LRRTM4: variants seen among roughly 807,000 people sequenced by gnomAD.
The protein encoded by LRRTM4 is leucine rich repeat transmembrane neuronal 4.
A neutral mutation model predicts 47.6 loss-of-function variants in LRRTM4; 25 were observed. The observed-to-expected ratio is 0.53, with a 90% CI of 0.38 to 0.73. The LOEUF is 0.73. LRRTM4 is among the 30% of genes least tolerant of loss of function. The pLI, the probability that LRRTM4 is intolerant of heterozygous loss-of-function variation, is 0.00. For synonymous variants in LRRTM4, 311 were observed against 269.5 expected (o/e 1.15, Z -1.51); for missense variants, 638 against 713.4 (o/e 0.89, Z 1.20).
intron 3 of LRRTM4, among the ~76,000 whole-genome samples, chr2:77,413,843 TACACAC>T (rs60861644): frequency 1.1e-4 from 17 of 150,158 alleles, no homozygotes; most frequent in Middle Eastern, 3.5e-3. Context: ...TCTAGTTTTA[TACACAC>T]ACACACACAC....
At chr2:77,393,757 T>C (rs1195304146) in intron 3 of LRRTM4, among the ~76,000 whole-genome samples, 1 of 151,862 alleles carries the variant, frequency 6.6e-6, no homozygotes, top group African/African-American at 2.4e-5. Flanking sequence ...ATAGTCTAAA[T>C]AAAGGAGGTG....
At chr2:77,407,704 T>C (rs1470874297) in intron 3 of LRRTM4, among the ~76,000 whole-genome samples, 1 of 134,380 alleles carries the variant, frequency 7.4e-6, no homozygotes, top group Non-Finnish European at 1.5e-5. Context: ...ATGATATATA[T>C]AATATATCAT....
chr2:77,175,407 G>A (rs529226649), intron 3 of LRRTM4, among the ~76,000 whole-genome samples: 4 of 152,198 alleles, frequency 2.6e-5, no homozygotes, highest in African/African-American at 7.2e-5. Context: ...TAAGCCCAGG[G>A]CATAAAATCC....
chr2:76,902,185 C>G (rs1415758554), intron 3 of LRRTM4, among the ~76,000 whole-genome samples: 1 of 152,176 alleles, frequency 6.6e-6, no homozygotes, highest in Non-Finnish European at 1.5e-5. Flanking sequence ...CAGTCCATCT[C>G]CAAGTCTTTG....
intron 3 of LRRTM4, among the ~76,000 whole-genome samples, chr2:77,417,765 G>GGGT (rs1173693884): frequency 2.6e-5 from 4 of 151,456 alleles, no homozygotes; most frequent in South Asian, 4.2e-4. Flanking sequence ...GCCTGTTGTT[G>GGGT]GGGGGGAAGG....
chr2:77,295,488 A>G, intron 3 of LRRTM4, among the ~76,000 whole-genome samples: 1 of 152,304 alleles, frequency 6.6e-6, no homozygotes, highest in Non-Finnish European at 1.5e-5. Flanking sequence ...AAGATATTGG[A>G]AAATTGCTAT....
At chr2:77,385,917 T>TTATTTA (rs1673250167) in intron 3 of LRRTM4, among the ~76,000 whole-genome samples, 1 of 151,406 alleles carries the variant, frequency 6.6e-6, no homozygotes, top group African/African-American at 2.4e-5. Context: ...CTGGCTATTT[T>TTATTTA]TTTTTTATTT....
Position 77,448,544 on chromosome 2 carries a change from T to C in LRRTM4, c.1551+69774A>G, listed in dbSNP as rs77966021. On this transcript the variant is annotated intron_variant, in intron 3 of 3. Transcript: ENST00000409884. The stretch of plus-strand genomic sequence containing the variant: ...CAGTCTGCATTTCAAATTACCATCA[T>C]CTGATGTGTTATAATGGGAGAAGAA... Among the ~76,000 whole-genome samples the C allele has an allele frequency of 1.9e-3, 284 of 152,058 alleles. 1 individual carries two copies. The highest frequency in any genetic ancestry group is 2.7e-3 in the Admixed American group (41 of 15,218).
At chr2:77,276,650 G>T (rs1676364105) in intron 3 of LRRTM4, among the ~76,000 whole-genome samples, 1 of 126,134 alleles carries the variant, frequency 7.9e-6, no homozygotes, top group Admixed American at 9.0e-5. Flanking sequence ...ATCAATAGAA[G>T]ATCAGTAAAT....
intron 3 of LRRTM4, among the ~76,000 whole-genome samples, chr2:77,027,217 ATACCAGAGGAAATGC>A (rs1678485220): frequency 6.6e-6 from 1 of 152,154 alleles, no homozygotes; most frequent in Admixed American, 6.5e-5. Context: ...ATGCCTCTTC[ATACCAGAGGAAATGC>A]TATGTAAGAG....
At chr2:77,242,216 A>G (rs1675287305) in intron 3 of LRRTM4, among the ~76,000 whole-genome samples, 1 of 152,170 alleles carries the variant, frequency 6.6e-6, no homozygotes. Context: ...TTGCATATGT[A>G]GATTTCTTTG....
intron 3 of LRRTM4, among the ~76,000 whole-genome samples, chr2:77,284,885 G>A (rs946719846): frequency 6.6e-6 from 1 of 151,908 alleles, no homozygotes; most frequent in African/African-American, 2.4e-5. Context: ...CTCAGAAGCT[G>A]AAAAAAACTT....
chr2:77,088,255 G>C (rs539864010), intron 3 of LRRTM4, among the ~76,000 whole-genome samples: 1 of 152,124 alleles, frequency 6.6e-6, no homozygotes, highest in Non-Finnish European at 1.5e-5. Context: ...TGAAGCAATC[G>C]CGTCCCCTGT....
At chr2:77,035,455 C>G (rs1342282802) in intron 3 of LRRTM4, among the ~76,000 whole-genome samples, 2 of 151,810 alleles carry the variant, frequency 1.3e-5, no homozygotes, top group Non-Finnish European at 2.9e-5. Context: ...TTACTTTTCT[C>G]ACATTCCCCA....
intron 3 of LRRTM4, among the ~76,000 whole-genome samples, chr2:77,097,453 G>A (rs1296181997): frequency 1.3e-5 from 2 of 152,050 alleles, no homozygotes; most frequent in African/African-American, 4.8e-5. Context: ...TTAAGCTTGT[G>A]CCAATCCGTA....
intron 3 of LRRTM4, among the ~76,000 whole-genome samples, chr2:77,167,095 T>G (rs796984422): frequency 6.6e-6 from 1 of 151,884 alleles, no homozygotes; most frequent in East Asian, 1.9e-4. Flanking sequence ...ACAAAAAACT[T>G]AAACAAATTT....
chr2:76,780,625 C>T (rs1054739451), intron 3 of LRRTM4, among the ~76,000 whole-genome samples: 1 of 152,172 alleles, frequency 6.6e-6, no homozygotes, highest in African/African-American at 2.4e-5. Context: ...CCTTTAAGCA[C>T]TTCTCTGTAT....
intron 3 of LRRTM4, among the ~76,000 whole-genome samples, chr2:77,068,896 T>A (rs944605586): frequency 6.6e-6 from 1 of 151,454 alleles, no homozygotes; most frequent in Non-Finnish European, 1.5e-5. Context: ...CTCCCAGGGG[T>A]GAAAACCGCT....
chr2:77,254,068 T>C (rs1317885649), intron 3 of LRRTM4, among the ~76,000 whole-genome samples: 2 of 152,012 alleles, frequency 1.3e-5, no homozygotes, highest in African/African-American at 4.8e-5. Context: ...CATACATACA[T>C]ATACACACAA....
Sources: allele counts gnomAD v4.1 joint callset (sites outside exome capture counted in the v4.1 genomes callset), GRCh38; gene constraint gnomAD v4.1.1; transcripts MANE v1.5; gene names NCBI Gene and HGNC (gene_info 2026-07-23, HGNC 2026-07-21).